The following VWA2 variants were observed in gnomAD, a reference collection of about 807,000 sequenced individuals.
VWA2 encodes von Willebrand factor A domain containing 2.
A neutral mutation model predicts 70.4 loss-of-function variants in VWA2; 73 were observed. The observed-to-expected ratio is 1.04, with a 90% CI of 0.86 to 1.26. VWA2 has a LOEUF of 1.26. VWA2 is among the 50% of genes most tolerant of loss of function. The pLI is 0.00. For synonymous variants in VWA2, 407 were observed against 423.3 expected, an observed-to-expected ratio of 0.96 and a Z score of 0.47; for missense variants, 1,011 against 998.5, an observed-to-expected ratio of 1.01 and a Z score of -0.17.
rs749771164 is a variant in VWA2, at chr10:114,289,511, C to T, written c.2122+22C>T. 3.7e-6 allele frequency: 6 copies of T among 1,612,462 alleles called. No homozygotes were observed. In the African/African-American group the frequency reaches 8.0e-5, roughly 22 times the overall value. On this transcript the variant is annotated intron_variant, in intron 12 of 13. Coordinates refer to ENST00000392982, the MANE Select transcript of VWA2 (RefSeq NM_001272046.2). ...GGAGGTGAGTGGGGGAATCCACACC[C>T]TCAGGGCTGCCCCCATGGCAGGCCC...
chr10:114,256,592 G>T (rs971669699), intron 4 of VWA2, among the ~76,000 whole-genome samples: 1 of 152,116 alleles, frequency 6.6e-6, no homozygotes, highest in African/African-American at 2.4e-5. Flanking sequence ...TTTGAATCAC[G>T]TGAACCTACT....
chr10:114,267,727 C>T (rs1003019288), intron 5 of VWA2, among the ~76,000 whole-genome samples: 18 of 152,240 alleles, frequency 1.2e-4, no homozygotes, highest in African/African-American at 4.3e-4. Flanking sequence ...CAGGCATGAG[C>T]CACAGTGCCT....
At chr10:114,246,832 A>G in intron 1 of VWA2, 3 of 862,670 alleles carry the variant, frequency 3.5e-6, no homozygotes, top group Non-Finnish European at 5.8e-6. Flanking sequence ...GCGCTACAAG[A>G]AATATTTGTT....
chr10:114,251,569 C>T (rs550175891), intron 2 of VWA2, among the ~76,000 whole-genome samples: 2 of 152,244 alleles, frequency 1.3e-5, no homozygotes, highest in East Asian at 1.9e-4. Context: ...TAGGATTCCT[C>T]GGCTACTGGG....
intron 5 of VWA2, among the ~76,000 whole-genome samples, chr10:114,266,285 A>C (rs1428675225): frequency 6.6e-6 from 1 of 152,088 alleles, no homozygotes; most frequent in Non-Finnish European, 1.5e-5. Flanking sequence ...TGACAGAGCA[A>C]GACTCCGTCT....
intron 10 of VWA2, 75 bp downstream of exon 10, chr10:114,285,045 C>A: frequency 8.2e-7 from 1 of 1,213,740 alleles, no homozygotes. Flanking sequence ...TCATTGCACG[C>A]CCTTCCAGCT....
At chr10:114,255,478 C>T (rs1456660872) in intron 4 of VWA2, among the ~76,000 whole-genome samples, 1 of 152,162 alleles carries the variant, frequency 6.6e-6, no homozygotes, top group Non-Finnish European at 1.5e-5. Context: ...CTGGCCGGAC[C>T]TCAGTTAAGA....
At chr10:114,245,135 G>C (rs1248077583) in intron 1 of VWA2, among the ~76,000 whole-genome samples, 1 of 152,204 alleles carries the variant, frequency 6.6e-6, no homozygotes, top group Non-Finnish European at 1.5e-5. Context: ...CAAACAGCTA[G>C]GAGAAGGCAT....
At chr10:114,246,746 C>A in intron 1 of VWA2, 2 of 1,463,368 alleles carry the variant, frequency 1.4e-6, no homozygotes, top group Admixed American at 1.7e-5. Flanking sequence ...AATCCTTGAA[C>A]CAGGGCTGCT....
chr10:114,274,468 A>T (rs1305934788), intron 6 of VWA2, among the ~76,000 whole-genome samples: 1 of 151,866 alleles, frequency 6.6e-6, no homozygotes, highest in Non-Finnish European at 1.5e-5. Context: ...TCGACTTAGG[A>T]TATGTTTGTT....
chr10:114,281,937 T>C (rs1294988975), intron 8 of VWA2, among the ~76,000 whole-genome samples: 4 of 152,132 alleles, frequency 2.6e-5, no homozygotes, highest in Non-Finnish European at 5.9e-5. Flanking sequence ...AAGTAACTTA[T>C]AATAAAAAGC....
intron 4 of VWA2, among the ~76,000 whole-genome samples, chr10:114,256,391 G>A (rs1054544132): frequency 3.3e-5 from 5 of 152,186 alleles, no homozygotes; most frequent in Non-Finnish European, 7.3e-5. Flanking sequence ...AAAAGATAAA[G>A]GGGGATGAAT....
chr10:114,259,331 T>C (rs2037393699), intron 4 of VWA2, among the ~76,000 whole-genome samples: 1 of 152,208 alleles, frequency 6.6e-6, no homozygotes, highest in South Asian at 2.1e-4. Flanking sequence ...TTCTGTTGGA[T>C]TGTTGGTCTT....
At position 114,272,912 on chromosome 10, in the gene VWA2, G is replaced by T. The variant is rs778220164; in HGVS notation, c.544G>T (p.Ala182Ser). 10 of 1,612,702 alleles carry T rather than the reference G, an allele frequency of 6.2e-6. No homozygotes were observed. The highest frequency in any genetic ancestry group is 1.3e-5 in the African/African-American group (1 of 74,868). Residue 182 changes from alanine to serine, a missense_variant, in exon 6 of 14, where the codon GCT (alanine) becomes TCT (serine). Ala to Ser is a moderately conservative substitution (Grantham distance 99, BLOSUM62 1). Transcript: ENST00000392982. Reference protein sequence around the residue: ...QLKERGVTVFAVGVRFPRWEE... With the variant: ...QLKERGVTVFSVGVRFPRWEE... ...GAAGGAAAGGGGTGTCACTGTGTTT[G>T]CTGTGGGGGTCAGGTTTCCCAGGTA...
intron 1 of VWA2, chr10:114,246,121 C>T: frequency 2.4e-6 from 2 of 851,016 alleles, no homozygotes; most frequent in Non-Finnish European, 3.8e-6. Context: ...AGGTAGATCT[C>T]TGGAGCCTTG....
chr10:114,242,655 A>T (rs1254530925), intron 1 of VWA2, among the ~76,000 whole-genome samples: 1 of 140,370 alleles, frequency 7.1e-6, no homozygotes, highest in Non-Finnish European at 1.5e-5. Flanking sequence ...TTCTGGTCAT[A>T]GCTGAGAAGT....
At chr10:114,253,842 C>T (rs185346201) in intron 3 of VWA2, 117 bp downstream of exon 3, 2 of 1,001,428 alleles carry the variant, frequency 2.0e-6, no homozygotes, top group African/African-American at 3.3e-5. Flanking sequence ...TCCTTTCATG[C>T]TCTGGCCAGA....
At chr10:114,247,622 C>T (rs2037101269) in intron 1 of VWA2, among the ~76,000 whole-genome samples, 1 of 151,388 alleles carries the variant, frequency 6.6e-6, no homozygotes, top group Admixed American at 6.6e-5. Flanking sequence ...ACACTGGAGT[C>T]ATGGCATGTG....
intron 5 of VWA2, 124 bp downstream of exon 5, chr10:114,261,419 G>A: frequency 1.5e-6 from 1 of 647,502 alleles, no homozygotes; most frequent in East Asian, 2.8e-5. Flanking sequence ...CAGGAGTCCA[G>A]CTGGGCACAG....
Sources: gnomAD v4.1 joint callset for allele counts (sites outside exome capture counted in the v4.1 genomes callset) on GRCh38, gnomAD v4.1.1 for gene constraint, MANE v1.5 for transcripts, NCBI Gene and HGNC (gene_info 2026-07-23, HGNC 2026-07-21) for gene names.